TTYH2: variants seen among roughly 807,000 people sequenced by gnomAD.
TTYH2 encodes protein tweety homolog 2.
TTYH2 carries 49 observed loss-of-function variants against 68.3 expected under a neutral mutation model. That is an observed-to-expected ratio of 0.72 (90% CI 0.57 to 0.91). TTYH2 has a LOEUF of 0.91. TTYH2 is among the 40% of genes least tolerant of loss of function. The pLI, the probability that TTYH2 is intolerant of heterozygous loss-of-function variation, is 0.00. For missense variants in TTYH2, 631 were observed against 700.4 expected (o/e 0.90, Z 1.12); for synonymous variants, 272 against 300.8 (o/e 0.90, Z 0.99).
intron 3 of TTYH2, among the ~76,000 whole-genome samples, chr17:74,233,455 A>G (rs972875543): frequency 6.6e-6 from 1 of 152,238 alleles, no homozygotes; most frequent in African/African-American, 2.4e-5. Flanking sequence ...TATGAGTGCT[A>G]TTAATTACTG....
In TTYH2 at chr17:74,224,955, C is replaced by T. The variant is rs150695232; in HGVS notation, c.302+2298C>T. ...CAGGGGTTGCAGTGAGCCGAGATTGCGCCATTGCATTCTAGCCTGGGCTAC... is the reference window on the plus strand; with the variant it reads ...CAGGGGTTGCAGTGAGCCGAGATTGTGCCATTGCATTCTAGCCTGGGCTAC... On this transcript the variant is annotated intron_variant, in intron 2 of 13. Transcript: ENST00000269346. Among the ~76,000 whole-genome samples the T allele has an allele frequency of 6.6e-3, 993 of 151,320 alleles. 7 individuals carry two copies. The highest frequency in any genetic ancestry group is 0.022 in the African/African-American group (912 of 41,186).
At chr17:74,231,269 A>C (rs1357339281) in intron 3 of TTYH2, among the ~76,000 whole-genome samples, 1 of 152,240 alleles carries the variant, frequency 6.6e-6, no homozygotes, top group Admixed American at 6.5e-5. Context: ...CAAGCCGAAC[A>C]CTTTCTGATT....
intron 3 of TTYH2, among the ~76,000 whole-genome samples, chr17:74,233,617 A>C (rs2050412193): frequency 6.6e-6 from 1 of 152,106 alleles, no homozygotes; most frequent in African/African-American, 2.4e-5. Context: ...GAAGCCCTCT[A>C]GGGATGCACC....
In TTYH2 at chr17:74,249,983, C is replaced by T. The variant is rs774311231; in HGVS notation, c.978C>T (p.Val326=). 32 of 1,614,008 alleles carry T rather than the reference C, an allele frequency of 2.0e-5. No individual in the cohort carries two copies. The highest frequency in any genetic ancestry group is 3.3e-5 in the South Asian group (3 of 91,078). ...CACTTACCACCATGCAGATCCAGGT[C>T]GCGGGGCTGCTGCAGTTTGCCGTGC... ...QRALTTMQIQ[V]AGLLQFAVPL... Residue 326 remains valine (V), a synonymous_variant, in exon 9 of 14, where the codon GTC becomes GTT. Coordinates refer to ENST00000269346, the MANE Select transcript of TTYH2 (RefSeq NM_032646.6).
chr17:74,224,282 T>G (rs2050307965), intron 2 of TTYH2, among the ~76,000 whole-genome samples: 1 of 152,040 alleles, frequency 6.6e-6, no homozygotes, highest in Non-Finnish European at 1.5e-5. Flanking sequence ...ATGCTTGTAG[T>G]CCTGACTGAG....
intron 2 of TTYH2, 88 bp from the exon 3 acceptor site, chr17:74,230,800 G>A (rs955092448): frequency 1.0e-5 from 14 of 1,361,810 alleles, no homozygotes; most frequent in South Asian, 5.3e-5. Context: ...ATGAGCCACC[G>A]CACCCAACCC....
At chr17:74,240,311 C>T (rs910112442) in intron 4 of TTYH2, among the ~76,000 whole-genome samples, 4 of 152,172 alleles carry the variant, frequency 2.6e-5, no homozygotes, top group Non-Finnish European at 4.4e-5. Flanking sequence ...TGGTGGCGCA[C>T]GCCTGTAGTC....
chr17:74,219,384 T>G (rs2050253408), intron 1 of TTYH2, among the ~76,000 whole-genome samples: 1 of 109,570 alleles, frequency 9.1e-6, no homozygotes, highest in African/African-American at 1.4e-4. Flanking sequence ...CAAGACTCCG[T>G]GTCAAAAAAA....
chr17:74,222,390 C>A lies in TTYH2; in HGVS notation c.130-95C>A. 1 of 1,382,880 alleles carries A rather than the reference C, an allele frequency of 7.2e-7. No homozygotes were observed. Among genetic ancestry groups the A allele is most frequent in the Non-Finnish European group, 9.7e-7 (1 of 1,025,976 alleles). The allele number at this position is 1,382,880 out of a possible 1,614,324, so 85.7% of individuals were successfully genotyped here. ...GGAAGGATGGACGAGAGATGCAGCT[C>A]AGGCAGTGGGGCACTCAGGGCCCAA... On this transcript the variant is annotated intron_variant, in intron 1 of 13. Transcript: ENST00000269346. This position sits in a 1 kb window ranked among gnomAD's most constrained non-coding sequence, Gnocchi z 5.2.
chr17:74,229,240 T>TGG (rs1233701786), intron 2 of TTYH2, among the ~76,000 whole-genome samples: 1 of 152,038 alleles, frequency 6.6e-6, no homozygotes, highest in African/African-American at 2.4e-5. Flanking sequence ...GTATGTGATC[T>TGG]CAGTAGACCT....
In TTYH2 at chr17:74,261,077, TC is replaced by T. The variant is rs1465817434; in HGVS notation, c.*870del. The T allele has an allele frequency of 6.6e-6, 1 of 152,644 alleles. No individual in the cohort carries two copies. The highest frequency in any genetic ancestry group is 1.5e-5 in the Non-Finnish European group (1 of 68,046). 9.5% of individuals were successfully genotyped at this position (152,644 alleles called of 1,614,324 possible). On this transcript the variant is annotated 3_prime_UTR_variant, in exon 14 of 14. Transcript: ENST00000269346. ...CCAAAGAATTGAAACTCCTAGCACA[TC>T]CAGTTTTTACAACAGATTTGCAGCT...
intron 10 of TTYH2, chr17:74,251,917 G>A: frequency 2.9e-6 from 1 of 339,712 alleles, no homozygotes; most frequent in Non-Finnish European, 5.5e-6. Context: ...GCTGCTTCTT[G>A]CCATCCTGGC....
Position 74,215,773 on chromosome 17 carries a change from A to G in TTYH2, c.129+2057A>G. The G allele has an allele frequency of 6.8e-7, 1 of 1,471,976 alleles. No individual in the cohort carries two copies. Among genetic ancestry groups the G allele is most frequent in the Admixed American group, 2.0e-5 (1 of 50,862 alleles). The allele number at this position is 1,471,976 out of a possible 1,614,324, so 91.2% of individuals were successfully genotyped here. A position where few individuals can be genotyped will look rare whatever the true frequency, so the allele number is the denominator to read the frequency against. On this transcript the variant is annotated intron_variant, in intron 1 of 13. Coordinates refer to ENST00000269346, the MANE Select transcript of TTYH2 (RefSeq NM_032646.6). This position sits in a 1 kb window ranked among gnomAD's most constrained non-coding sequence, Gnocchi z 4.3. ...GATGTCTTCTTTCCTCCTGAGCACC[A>G]GTCACTAACAGAGTCAGGTGGACCG... is the stretch of plus-strand genomic sequence containing the variant.
chr17:74,253,031 G>A (rs374933425), intron 11 of TTYH2, 50 bp from the exon 12 acceptor site: 20 of 1,598,114 alleles, frequency 1.3e-5, no homozygotes, highest in Admixed American at 6.9e-5. Context: ...TGGCTGCCTC[G>A]GAGCCTCCTT....
chr17:74,224,375 C>T (rs1432719564), intron 2 of TTYH2, among the ~76,000 whole-genome samples: 1 of 150,400 alleles, frequency 6.6e-6, no homozygotes. Flanking sequence ...TGATGTGAGA[C>T]CCTGTCTCTT....
At position 74,232,489 on chromosome 17, in the gene TTYH2, G is replaced by A. The variant is rs1434292069; in HGVS notation, c.414+1490G>A. Among the ~76,000 whole-genome samples, 1 of 152,224 alleles carries A rather than the reference G, an allele frequency of 6.6e-6. No individual in the cohort carries two copies. Among genetic ancestry groups the A allele is most frequent in the Non-Finnish European group, 1.5e-5 (1 of 68,040 alleles). ...TGGAACAGCCTTGCGCGGTGAGCTG[G>A]GGCGGCTGGGTTGGAGGAGCTGAGG... On this transcript the variant is annotated intron_variant, in intron 3 of 13. Transcript: ENST00000269346. The surrounding 1 kb of genome is among the most constrained non-coding windows in gnomAD (Gnocchi z 5.1).
At chr17:74,245,774 C>T (rs1222292176) in intron 6 of TTYH2, among the ~76,000 whole-genome samples, 4 of 152,148 alleles carry the variant, frequency 2.6e-5, no homozygotes, top group Admixed American at 6.5e-5. Flanking sequence ...GGAGGGCGGC[C>T]GGCTGTCCCG....
intron 1 of TTYH2, among the ~76,000 whole-genome samples, chr17:74,219,589 A>G (rs192107872): frequency 1.0e-3 from 153 of 152,168 alleles, no homozygotes; most frequent in Non-Finnish European, 1.8e-3. Context: ...AAAGGTAGCA[A>G]TGATTCGGTG....
chr17:74,240,935 C>G (rs1250527199), intron 4 of TTYH2: 2 of 152,182 alleles, frequency 1.3e-5, no homozygotes, highest in Non-Finnish European at 2.9e-5. Context: ...GTTAGAAGCA[C>G]CCCTAACTGG....
Sources: allele counts gnomAD v4.1 joint callset (sites outside exome capture counted in the v4.1 genomes callset), GRCh38; gene constraint gnomAD v4.1.1; non-coding constraint Gnocchi (gnomAD v3.1); transcripts MANE v1.5; gene names NCBI Gene and HGNC (gene_info 2026-07-23, HGNC 2026-07-21).